The following MAGI2 variants were observed in gnomAD, a reference collection of about 807,000 sequenced individuals.
MAGI2 encodes the protein membrane associated guanylate kinase, WW and PDZ domain containing 2.
MAGI2 carries 35 observed loss-of-function variants against 133.3 expected under a neutral mutation model. That is an observed-to-expected ratio of 0.26 (90% CI 0.20 to 0.35). MAGI2 has a LOEUF of 0.35. MAGI2 is among the 10% of genes least tolerant of loss of function. The pLI is 1.00. For missense variants in MAGI2, 1,636 were observed against 1,863.4 expected, an observed-to-expected ratio of 0.88 and a Z score of 2.25; for synonymous variants, 729 against 710.6, an observed-to-expected ratio of 1.03 and a Z score of -0.41.
intron 1 of MAGI2, among the ~76,000 whole-genome samples, chr7:79,388,175 C>A (rs987207791): frequency 1.3e-5 from 2 of 151,898 alleles, no homozygotes; most frequent in Non-Finnish European, 2.9e-5. Context: ...TAAGACCATT[C>A]ATTTTTCTTA....
At chr7:78,752,025 G>C (rs963693530) in intron 2 of MAGI2, among the ~76,000 whole-genome samples, 10 of 152,194 alleles carry the variant, frequency 6.6e-5, no homozygotes, top group Admixed American at 4.6e-4. Flanking sequence ...TATACCACAG[G>C]GAAACAAGGT....
intron 1 of MAGI2, among the ~76,000 whole-genome samples, chr7:79,114,232 T>C (rs117041892): frequency 0.064 from 9,793 of 152,244 alleles, 474 homozygotes; most frequent in Non-Finnish European, 0.093. Context: ...ATTCCTTCCT[T>C]GTCCTTCCTT....
chr7:78,956,311 C>T lies in MAGI2; in HGVS notation c.418+50779G>A, dbSNP rs376027398. 2.0e-4 allele frequency among the ~76,000 whole-genome samples: 30 copies of T among 152,110 alleles called. No individual in the cohort carries two copies. The South Asian group carries it at 6.0e-3, about 31-fold the overall frequency. ...TGCAGATTTTATTTTTAAAAATACC[C>T]CTCTCCTAGCAATTCTGTCTCTGAA... On this transcript the variant is annotated intron_variant, in intron 2 of 21. Coordinates refer to ENST00000354212, the MANE Select transcript of MAGI2 (RefSeq NM_012301.4).
chr7:78,713,364 G>A (rs993484707), intron 2 of MAGI2, among the ~76,000 whole-genome samples: 1 of 152,096 alleles, frequency 6.6e-6, no homozygotes, highest in Non-Finnish European at 1.5e-5. Context: ...CCTGGTTATA[G>A]TTTTGGCATA....
chr7:78,721,368 A>T (rs1363743631), intron 2 of MAGI2, among the ~76,000 whole-genome samples: 3 of 152,044 alleles, frequency 2.0e-5, no homozygotes, highest in African/African-American at 7.2e-5. Context: ...TAGCATAAGA[A>T]TTAATCTCAA....
chr7:79,189,923 A>T (rs1214055269), intron 1 of MAGI2, among the ~76,000 whole-genome samples: 3 of 151,782 alleles, frequency 2.0e-5, no homozygotes, highest in African/African-American at 7.3e-5. Flanking sequence ...TATGCACTTA[A>T]GGTCCCTCCC....
intron 3 of MAGI2, among the ~76,000 whole-genome samples, chr7:78,563,582 C>A (rs549901338): frequency 1.3e-5 from 2 of 152,316 alleles, no homozygotes; most frequent in East Asian, 3.9e-4. Context: ...TGCCATATGA[C>A]CCCAGTCATC....
intron 4 of MAGI2, among the ~76,000 whole-genome samples, chr7:78,517,208 A>T (rs957750923): frequency 3.0e-5 from 4 of 135,084 alleles, no homozygotes; most frequent in Non-Finnish European, 7.1e-5. Context: ...TAAATTTTAA[A>T]CATCGGTTCA....
intron 2 of MAGI2, among the ~76,000 whole-genome samples, chr7:78,794,168 C>T (rs1350051789): frequency 6.6e-6 from 1 of 152,128 alleles, no homozygotes; most frequent in Non-Finnish European, 1.5e-5. Flanking sequence ...AAAATTACAA[C>T]TGACTAAGAA....
At chr7:79,173,902 A>G (rs1825847230) in intron 1 of MAGI2, among the ~76,000 whole-genome samples, 1 of 152,120 alleles carries the variant, frequency 6.6e-6, no homozygotes, top group Non-Finnish European at 1.5e-5. Flanking sequence ...TCACCAGAGA[A>G]GAATTCAGTG....
chr7:78,955,259 C>A (rs1802202494), intron 2 of MAGI2, among the ~76,000 whole-genome samples: 1 of 151,786 alleles, frequency 6.6e-6, no homozygotes, highest in Non-Finnish European at 1.5e-5. Context: ...GAATATATGT[C>A]TTTGCATTTA....
intron 2 of MAGI2, among the ~76,000 whole-genome samples, chr7:78,785,936 T>C (rs1826778812): frequency 6.6e-6 from 1 of 152,026 alleles, no homozygotes; most frequent in Non-Finnish European, 1.5e-5. Context: ...GAACACACTA[T>C]GAATGTGAGA....
intron 2 of MAGI2, among the ~76,000 whole-genome samples, chr7:78,644,249 T>C (rs865958963): frequency 1.3e-5 from 2 of 152,110 alleles, no homozygotes; most frequent in Admixed American, 6.5e-5. Context: ...CACTTCTCTT[T>C]TAATAATTGA....
At chr7:79,123,955 C>A (rs373573557) in intron 1 of MAGI2, among the ~76,000 whole-genome samples, 18 of 151,928 alleles carry the variant, frequency 1.2e-4, no homozygotes, top group African/African-American at 4.3e-4. Context: ...TCTTTTTCAC[C>A]TGTGACCCCC....
chr7:78,351,563 G>C (rs1791517017), intron 7 of MAGI2, among the ~76,000 whole-genome samples: 1 of 151,742 alleles, frequency 6.6e-6, no homozygotes, highest in Non-Finnish European at 1.5e-5. Context: ...GCTTCTTTTG[G>C]GCTTCCTGAA....
At chr7:79,055,275 A>G (rs1176352221) in intron 1 of MAGI2, among the ~76,000 whole-genome samples, 1 of 134,982 alleles carries the variant, frequency 7.4e-6, no homozygotes. Context: ...TAAACTTTGT[A>G]AGGGCATGCC....
At chr7:79,306,340 T>A (rs1585507258) in intron 1 of MAGI2, among the ~76,000 whole-genome samples, 1 of 143,576 alleles carries the variant, frequency 7.0e-6, no homozygotes, top group African/African-American at 2.6e-5. Flanking sequence ...ATATATATAT[T>A]TGTAGAGATA....
chr7:79,177,949 C>T (rs1826257644), intron 1 of MAGI2, among the ~76,000 whole-genome samples: 2 of 152,024 alleles, frequency 1.3e-5, no homozygotes, highest in East Asian at 1.9e-4. Context: ...TTATCTATAG[C>T]ATCTTGTCTT....
intron 2 of MAGI2, among the ~76,000 whole-genome samples, chr7:78,944,666 G>A (rs1320300097): frequency 2.6e-5 from 4 of 151,770 alleles, no homozygotes; most frequent in Non-Finnish European, 5.9e-5. Context: ...CCGCCCACTA[G>A]CACCCAGGGA....
Sources: gnomAD v4.1 joint callset for allele counts (sites outside exome capture counted in the v4.1 genomes callset) on GRCh38, gnomAD v4.1.1 for gene constraint, MANE v1.5 for transcripts, NCBI Gene and HGNC (gene_info 2026-07-23, HGNC 2026-07-21) for gene names.